Variants in XPO1 observed in about 807,000 individuals in gnomAD.
XPO1 encodes the protein exportin 1, also known as exportin-1.
A neutral mutation model predicts 133.3 loss-of-function variants in XPO1; 5 were observed. That is an observed-to-expected ratio of 0.04 (90% CI 0.02 to 0.08). The LOEUF is 0.08. Ranked by LOEUF, XPO1 falls within the 10% of genes least tolerant of loss-of-function variation. The probability of loss-of-function intolerance (pLI) is 1.00; values close to 1 mark genes in which losing one functional copy is unlikely to be tolerated. For synonymous variants in XPO1, 419 were observed against 408.2 expected (o/e 1.03, Z -0.32); for missense variants, 506 against 1,267.5 (o/e 0.40, Z 9.12).
intron 11 of XPO1, 23 bp from the exon 12 acceptor site, chr2:61,494,114 TAAA>T: frequency 6.3e-7 from 1 of 1,594,736 alleles, no homozygotes; most frequent in South Asian, 1.1e-5. Context: ...CCAAAACTGT[TAAA>T]ATAATTCTTA....
At position 61,488,759 on chromosome 2, in the gene XPO1, G is replaced by A; in HGVS notation, c.2035C>T (p.Leu679=). 1 of 1,613,260 alleles carries A rather than the reference G, an allele frequency of 6.2e-7. No homozygotes were observed. The highest frequency in any genetic ancestry group is 1.3e-5 in the African/African-American group (1 of 74,922). ...TGCTTGACTGTTTCAGGATCTTTCAGTATATCCACATTCTTGGAGGAAAAA... is the reference window on the plus strand; with the variant it reads ...TGCTTGACTGTTTCAGGATCTTTCAATATATCCACATTCTTGGAGGAAAAA... ...IQQATKNVDI[L]KDPETVKQLG... The change falls in exon 18 of 25, where the codon CTG becomes TTG. Residue 679 remains leucine, a synonymous_variant. Coordinates refer to ENST00000401558, the MANE Select transcript of XPO1 (RefSeq NM_003400.4).
chr2:61,480,960 A>G (rs1226359044), intron 24 of XPO1, among the ~76,000 whole-genome samples: 4 of 152,204 alleles, frequency 2.6e-5, no homozygotes, highest in African/African-American at 7.2e-5. Flanking sequence ...TACATTAGTA[A>G]TAAGTTTATC....
intron 6 of XPO1, among the ~76,000 whole-genome samples, chr2:61,501,035 G>A (rs1697488468): frequency 6.6e-6 from 1 of 152,042 alleles, no homozygotes; most frequent in Admixed American, 6.5e-5. Context: ...ACTATTTATG[G>A]CACACACAAG....
intron 20 of XPO1, chr2:61,485,473 A>AC (rs3041947): frequency 0.061 from 6,272 of 103,574 alleles, 529 homozygotes; most frequent in African/African-American, 0.096. Flanking sequence ...GGCTCAAGTG[A>AC]CCCCCCCCCC....
intron 6 of XPO1, among the ~76,000 whole-genome samples, chr2:61,500,205 T>C (rs939529572): frequency 6.6e-6 from 1 of 152,068 alleles, no homozygotes; most frequent in Admixed American, 6.6e-5. Context: ...CTAGGAGGCC[T>C]TGCGCGGTTG....
chr2:61,491,270 G>A (rs1007152701), intron 16 of XPO1, among the ~76,000 whole-genome samples: 5 of 151,972 alleles, frequency 3.3e-5, no homozygotes, highest in African/African-American at 1.2e-4. Flanking sequence ...AGATGAGCCT[G>A]ACCAACATGG....
intron 1 of XPO1, among the ~76,000 whole-genome samples, chr2:61,534,999 A>G (rs1336425751): frequency 2.0e-5 from 3 of 152,108 alleles, no homozygotes; most frequent in African/African-American, 7.3e-5. Context: ...TAAAAGCTGT[A>G]AAAGCTTGCC....
At chr2:61,490,603 AT>A (rs746441189) in intron 17 of XPO1, 38 bp downstream of exon 17, 2 of 1,613,186 alleles carry the variant, frequency 1.2e-6, no homozygotes, top group Non-Finnish European at 1.7e-6. Context: ...GTCTTGTTAA[AT>A]CCCATGAAAA....
chr2:61,483,872 A>C lies in XPO1; in HGVS notation c.2677+65T>G. ...CTGAACAAGTAATACCTTCCTATGT[A>C]CAATTAACTATATTTGTATTTTTGG... On this transcript the variant is annotated intron_variant, in intron 21 of 24. Transcript: ENST00000401558. 1.4e-5 allele frequency: 21 copies of C among 1,545,734 alleles called. No homozygotes were observed. The South Asian group carries it at 2.4e-4, about 18-fold the overall frequency.
rs779921996 is a variant in XPO1, at chr2:61,495,500, A to G, written c.1002T>C (p.Asp334=). 7.6e-6 allele frequency: 12 copies of G among 1,583,614 alleles called. No homozygotes were observed. The highest frequency in any genetic ancestry group is 2.7e-5 in the African/African-American group (2 of 74,218). ...LFLCTFLKEH[D]QLIEKRLNLR... ...GATTTAATCTTTTTTCTATAAGTTG[A>G]TCATGTTCCTTAAGAAAGGTGCAGA... is the stretch of plus-strand genomic sequence containing the variant. Residue 334 remains aspartate (D), a synonymous_variant, in exon 11 of 25, where the codon GAT becomes GAC. Coordinates refer to ENST00000401558, the MANE Select transcript of XPO1 (RefSeq NM_003400.4).
chr2:61,538,569 A>T, upstream of XPO1: 1 of 152,764 alleles, frequency 6.5e-6, no homozygotes, highest in Non-Finnish European at 1.5e-5. Context: ...AGAGGGGTGG[A>T]GGAGGAGGAG....
intron 3 of XPO1, among the ~76,000 whole-genome samples, chr2:61,523,950 T>G (rs1698803787): frequency 6.6e-6 from 1 of 152,210 alleles, no homozygotes; most frequent in Non-Finnish European, 1.5e-5. Flanking sequence ...AATTACAAAT[T>G]TGATGCTATT....
At chr2:61,481,471 A>G (rs1696353253) in intron 23 of XPO1, among the ~76,000 whole-genome samples, 190 bp from the exon 24 acceptor site, 1 of 150,584 alleles carries the variant, frequency 6.6e-6, no homozygotes, top group Non-Finnish European at 1.5e-5. Context: ...ATTTTTTTTT[A>G]ATTTTTGAGA....
At chr2:61,525,398 A>AG in intron 3 of XPO1, 1 of 993,342 alleles carries the variant, frequency 1.0e-6, no homozygotes, top group Non-Finnish European at 1.2e-6. Context: ...ACATCTTTAA[A>AG]GAAAAAAAAA....
chr2:61,489,223 G>A (rs755035911), intron 17 of XPO1, among the ~76,000 whole-genome samples: 1 of 152,018 alleles, frequency 6.6e-6, no homozygotes, highest in Non-Finnish European at 1.5e-5. Flanking sequence ...AGACCAGCCT[G>A]ACCAACATGG....
At chr2:61,488,295 T>A in intron 18 of XPO1, 24 bp from the exon 19 acceptor site, 1 of 1,602,670 alleles carries the variant, frequency 6.2e-7, no homozygotes, top group Non-Finnish European at 8.5e-7. Context: ...TCAAATGGAA[T>A]CTAATTTTAC....
intron 2 of XPO1, among the ~76,000 whole-genome samples, chr2:61,533,254 T>C (rs926628105): frequency 6.6e-6 from 1 of 152,198 alleles, no homozygotes. Flanking sequence ...TGTACACACA[T>C]TTCTGTTTCA....
At chr2:61,516,422 G>GT (rs979420195) in intron 4 of XPO1, among the ~76,000 whole-genome samples, 31 of 150,974 alleles carry the variant, frequency 2.1e-4, no homozygotes, top group Middle Eastern at 3.4e-3. Flanking sequence ...CCAAGTGTGG[G>GT]TTTTTTTTTG....
At chr2:61,487,869 C>T (rs906419906) in intron 19 of XPO1, among the ~76,000 whole-genome samples, 1 of 152,094 alleles carries the variant, frequency 6.6e-6, no homozygotes, top group Admixed American at 6.6e-5. Flanking sequence ...AAAACTGCAC[C>T]GGTACTCCAT....
Sources: gnomAD v4.1 joint callset for allele counts (sites outside exome capture counted in the v4.1 genomes callset) on GRCh38, gnomAD v4.1.1 for gene constraint, MANE v1.5 for transcripts, NCBI Gene and HGNC (gene_info 2026-07-23, HGNC 2026-07-21) for gene names.